ADAM12: variants seen among roughly 807,000 people sequenced by gnomAD.
The protein encoded by ADAM12 is disintegrin and metalloproteinase domain-containing protein 12.
ADAM12 carries 70 observed loss-of-function variants against 106.4 expected under a neutral mutation model. The ratio of observed to expected loss-of-function variants is 0.66; its 90% confidence interval spans 0.54 to 0.80. ADAM12 has a LOEUF of 0.80. Among genes scored for constraint, ADAM12 ranks in the 30% least tolerant of loss-of-function variants. ADAM12 has a pLI of 0.00. For missense variants in ADAM12, 1,010 were observed against 1,171.9 expected, an observed-to-expected ratio of 0.86 and a Z score of 2.02; for synonymous variants, 420 against 433.5, an observed-to-expected ratio of 0.97 and a Z score of 0.39.
At chr10:126,291,345 G>A (rs901959209) in intron 2 of ADAM12, among the ~76,000 whole-genome samples, 1 of 152,206 alleles carries the variant, frequency 6.6e-6, no homozygotes, top group African/African-American at 2.4e-5. Flanking sequence ...GCCCTTTAAA[G>A]AGTAATCCTG....
At chr10:126,147,596 G>T (rs1387774973) in intron 4 of ADAM12, among the ~76,000 whole-genome samples, 1 of 152,138 alleles carries the variant, frequency 6.6e-6, no homozygotes, top group African/African-American at 2.4e-5. Flanking sequence ...CATCAGCCTG[G>T]AACGTTTCTC....
At chr10:126,103,275 T>G (rs1011598897) in intron 8 of ADAM12, among the ~76,000 whole-genome samples, 1 of 152,190 alleles carries the variant, frequency 6.6e-6, no homozygotes, top group African/African-American at 2.4e-5. Flanking sequence ...ATTGTTTGAC[T>G]GTCATTTATG....
Position 126,049,194 on chromosome 10 carries a change from T to TTTCAATGGGCCCTGTTC in ADAM12, c.1917+42_1917+58dup. 1 of 1,597,456 alleles carries TTTCAATGGGCCCTGTTC rather than the reference T, an allele frequency of 6.3e-7. No individual in the cohort carries two copies. Among genetic ancestry groups the TTTCAATGGGCCCTGTTC allele is most frequent in the Non-Finnish European group, 8.5e-7 (1 of 1,170,122 alleles). On this transcript the variant is annotated intron_variant, in intron 16 of 22. Transcript: ENST00000448723. This position sits in a 1 kb window ranked among gnomAD's most constrained non-coding sequence, Gnocchi z 4.4. ...ACCTTGTAACCCAGTTCTTGCTGTT[T>TTTCAATGGGCCCTGTTC]TTCAATGGGCCCTGTTCCAGACTTA... is the stretch of plus-strand genomic sequence containing the variant.
chr10:126,024,664 A>G (rs1270399618), intron 21 of ADAM12, among the ~76,000 whole-genome samples: 1 of 152,222 alleles, frequency 6.6e-6, no homozygotes, highest in Non-Finnish European at 1.5e-5. Flanking sequence ...GGAAGATCAT[A>G]TAAGACTTTG....
intron 22 of ADAM12, 99 bp from the exon 23 acceptor site, chr10:126,017,438 A>G: frequency 8.2e-7 from 1 of 1,224,376 alleles, no homozygotes; most frequent in Non-Finnish European, 1.1e-6. Context: ...GATAGTCTGA[A>G]GGGTTTTCTG....
chr10:126,251,891 T>TG (rs1202117400), intron 3 of ADAM12, among the ~76,000 whole-genome samples: 3 of 98,008 alleles, frequency 3.1e-5, no homozygotes, highest in Non-Finnish European at 6.4e-5. Flanking sequence ...ATGCAATGGA[T>TG]GGATGGGATG....
chr10:126,054,933 G>A (rs1313269586), intron 14 of ADAM12, among the ~76,000 whole-genome samples: 1 of 152,086 alleles, frequency 6.6e-6, no homozygotes, highest in Non-Finnish European at 1.5e-5. Context: ...CACCTGTAAC[G>A]ATTCATGATC....
At chr10:126,128,548 G>A (rs1183025996) in intron 5 of ADAM12, among the ~76,000 whole-genome samples, 1 of 152,016 alleles carries the variant, frequency 6.6e-6, no homozygotes, top group East Asian at 1.9e-4. Flanking sequence ...TGTACATGTG[G>A]GAATGTGTGC....
chr10:126,336,093 T>C (rs1354583817), intron 1 of ADAM12, among the ~76,000 whole-genome samples: 1 of 152,058 alleles, frequency 6.6e-6, no homozygotes, highest in Non-Finnish European at 1.5e-5. Context: ...TAAGAACCAA[T>C]GAATAAAGTA....
At chr10:126,334,429 G>C (rs554541190) in intron 1 of ADAM12, among the ~76,000 whole-genome samples, 1 of 152,216 alleles carries the variant, frequency 6.6e-6, no homozygotes, top group Admixed American at 6.5e-5. Context: ...TGGCCAGTTT[G>C]CTTCAGCCTC....
intron 1 of ADAM12, among the ~76,000 whole-genome samples, chr10:126,347,688 C>A (rs1855199628): frequency 6.6e-6 from 1 of 152,104 alleles, no homozygotes; most frequent in South Asian, 2.1e-4. Flanking sequence ...GAAATTGAGC[C>A]TTTTCATATT....
intron 3 of ADAM12, among the ~76,000 whole-genome samples, chr10:126,157,980 G>A (rs1026796655): frequency 2.0e-5 from 3 of 152,228 alleles, no homozygotes; most frequent in African/African-American, 7.2e-5. Context: ...GAGGAGTCTG[G>A]TGACCTTGAC....
chr10:126,372,459 TAA>T (rs1344132676), intron 1 of ADAM12, among the ~76,000 whole-genome samples: 1 of 152,120 alleles, frequency 6.6e-6, no homozygotes, highest in Non-Finnish European at 1.5e-5. Flanking sequence ...CACACAGCCA[TAA>T]AGAGGCCAAG....
chr10:126,067,621 G>C (rs1954899004), intron 12 of ADAM12, among the ~76,000 whole-genome samples: 1 of 152,232 alleles, frequency 6.6e-6, no homozygotes, highest in Non-Finnish European at 1.5e-5. Flanking sequence ...CAAAAGGCCT[G>C]CACGCATTTA....
chr10:126,284,685 A>T (rs1407998038), intron 2 of ADAM12, among the ~76,000 whole-genome samples: 1 of 152,100 alleles, frequency 6.6e-6, no homozygotes, highest in Non-Finnish European at 1.5e-5. Context: ...ATCACGGATG[A>T]CTTGGTTTCC....
chr10:126,335,191 A>G (rs976502342), intron 1 of ADAM12, among the ~76,000 whole-genome samples: 1 of 152,212 alleles, frequency 6.6e-6, no homozygotes. Context: ...AGTGGATGCC[A>G]GTGGGCATCC....
intron 1 of ADAM12, among the ~76,000 whole-genome samples, chr10:126,336,134 T>C (rs971356249): frequency 2.6e-5 from 4 of 152,158 alleles, no homozygotes; most frequent in African/African-American, 9.7e-5. Flanking sequence ...ATGCAAATAT[T>C]GGTTTACTAA....
intron 1 of ADAM12, among the ~76,000 whole-genome samples, chr10:126,364,827 A>T (rs1040501886): frequency 6.6e-6 from 1 of 151,958 alleles, no homozygotes; most frequent in Non-Finnish European, 1.5e-5. Flanking sequence ...CCTTCCCTCA[A>T]CTCCTCCCTC....
chr10:126,141,278 G>A (rs1353421079), intron 4 of ADAM12, among the ~76,000 whole-genome samples: 5 of 152,140 alleles, frequency 3.3e-5, no homozygotes, highest in African/African-American at 7.2e-5. Flanking sequence ...CCTCAAGGGC[G>A]CTAAACTGTA....
Sources: gnomAD v4.1 joint callset for allele counts (sites outside exome capture counted in the v4.1 genomes callset) on GRCh38, gnomAD v4.1.1 for gene constraint, Gnocchi (gnomAD v3.1) non-coding constraint, MANE v1.5 for transcripts, NCBI Gene and HGNC (gene_info 2026-07-23, HGNC 2026-07-21) for gene names.